RPN1: variants seen among roughly 807,000 people sequenced by gnomAD.
RPN1 encodes the protein ribophorin I, also known as dolichyl-diphosphooligosaccharide--protein glycosyltransferase subunit 1.
In RPN1, 12 loss-of-function variants were observed where a neutral mutation model predicts 55.5. The observed-to-expected ratio is 0.22, with a 90% CI of 0.14 to 0.35. The LOEUF is 0.35. Among genes scored for constraint, RPN1 ranks in the 10% least tolerant of loss-of-function variants. The probability of loss-of-function intolerance (pLI) is 1.00; values close to 1 mark genes in which losing one functional copy is unlikely to be tolerated. For synonymous variants in RPN1, 317 were observed against 305.9 expected, an observed-to-expected ratio of 1.04 and a Z score of -0.38; for missense variants, 679 against 761.3, an observed-to-expected ratio of 0.89 and a Z score of 1.27.
At chr3:128,643,807 A>C (rs1439635012) in intron 2 of RPN1, among the ~76,000 whole-genome samples, 1 of 151,758 alleles carries the variant, frequency 6.6e-6, no homozygotes, top group Admixed American at 6.6e-5. Flanking sequence ...AAAAAAAAAT[A>C]CAAAAATTAG....
Position 128,629,842 on chromosome 3 carries a change from C to T in RPN1, c.1036+109G>A, listed in dbSNP as rs531916706. 294 of 629,338 alleles carry T rather than the reference C, an allele frequency of 4.7e-4. No homozygotes were observed. In the African/African-American group the frequency reaches 4.8e-3, roughly 10 times the overall value. The allele number at this position is 629,338 out of a possible 1,614,324, so 39.0% of individuals were successfully genotyped here. A position where few individuals can be genotyped will look rare whatever the true frequency, so the allele number is the denominator to read the frequency against. The stretch of plus-strand genomic sequence containing the variant: ...GTTGTTCCTGATAAAACCAGCCTTC[C>T]TCAGAATGACAAATGAACACACCCC... On this transcript the variant is annotated intron_variant, in intron 5 of 9. Coordinates refer to ENST00000296255, the MANE Select transcript of RPN1 (RefSeq NM_002950.4).
At position 128,650,777 on chromosome 3, in the gene RPN1, C is replaced by G. The variant is rs1361136875; in HGVS notation, c.24G>C (p.Leu8Phe). 1.9e-6 allele frequency: 3 copies of G among 1,540,800 alleles called. No homozygotes were observed. The highest frequency in any genetic ancestry group is 2.6e-6 in the Non-Finnish European group (3 of 1,141,518). Residue 8 changes from leucine (L) to phenylalanine (F), a missense_variant, in exon 1 of 10, where the codon TTG (leucine) becomes TTC (phenylalanine). By Grantham distance (22) the Leu-to-Phe change is conservative. This residue lies in a region of RPN1 where 352 missense variants were observed against 352.8 expected (regional missense o/e 1.00). Coordinates refer to ENST00000296255, the MANE Select transcript of RPN1 (RefSeq NM_002950.4). MEAPAAG[L>F]FLLLLLGTWA... Reference sequence around the variant, plus strand: ...AAGTCCCAAGCAACAGGAGCAGAAACAAGCCGGCGGCTGGCGCCTCCATGA... The same window carrying G: ...AAGTCCCAAGCAACAGGAGCAGAAAGAAGCCGGCGGCTGGCGCCTCCATGA...
chr3:128,623,470 C>T (rs1336052926), intron 8 of RPN1, among the ~76,000 whole-genome samples: 2 of 151,724 alleles, frequency 1.3e-5, no homozygotes, highest in East Asian at 3.9e-4. Flanking sequence ...CCCAGGAGGT[C>T]GAGGCTGCAG....
At position 128,626,776 on chromosome 3, in the gene RPN1, T is replaced by C; in HGVS notation, c.1093A>G (p.Ile365Val). 1 of 1,614,150 alleles carries C rather than the reference T, an allele frequency of 6.2e-7. No homozygotes were observed. Among genetic ancestry groups the C allele is most frequent in the South Asian group, 1.1e-5 (1 of 91,088 alleles). Reference sequence around the variant, plus strand: ...ATGATCTTCACAGTCAGAGAATCTATCACTTGTTCATCAAACACATGGTCC... The same window carrying C: ...ATGATCTTCACAGTCAGAGAATCTACCACTTGTTCATCAAACACATGGTCC... ...FVDHVFDEQV[I>V]DSLTVKIILP... Residue 365 changes from isoleucine (I) to valine (V), a missense_variant, in exon 6 of 10, where the codon ATA becomes GTA. Ile to Val is a conservative substitution (Grantham distance 29). This residue lies in a region of RPN1 where 306 missense variants were observed against 360.0 expected (regional missense o/e 0.85). Coordinates refer to ENST00000296255, the MANE Select transcript of RPN1 (RefSeq NM_002950.4).
intron 2 of RPN1, 194 bp downstream of exon 2, chr3:128,644,724 CA>C: frequency 1.5e-6 from 1 of 652,100 alleles, no homozygotes; most frequent in Non-Finnish European, 2.8e-6. Context: ...TTTGAGAGGC[CA>C]AGGTAGAAGG....
intron 1 of RPN1, 49 bp downstream of exon 1, chr3:128,650,491 G>A: frequency 6.7e-7 from 1 of 1,486,478 alleles, no homozygotes; most frequent in South Asian, 1.3e-5. Flanking sequence ...GCCAGGAAGG[G>A]AGGCGGGAAG....
In RPN1 at chr3:128,645,557, A is replaced by T. The variant is rs1368898018; in HGVS notation, c.262-574T>A. Among the ~76,000 whole-genome samples, 9 of 152,098 alleles carry T rather than the reference A, an allele frequency of 5.9e-5. 1 individual carries two copies. In the South Asian group the frequency reaches 1.9e-3, roughly 32 times the overall value. On this transcript the variant is annotated intron_variant, in intron 1 of 9. Coordinates refer to ENST00000296255, the MANE Select transcript of RPN1 (RefSeq NM_002950.4). Reference sequence around the variant, plus strand: ...CACACAGCTGGGTGTGGTAGCTCACACCTGTAATCCCAACACTTTGGGAGG... The same window carrying T: ...CACACAGCTGGGTGTGGTAGCTCACTCCTGTAATCCCAACACTTTGGGAGG...
At chr3:128,633,209 G>C (rs1242124034) in intron 3 of RPN1, among the ~76,000 whole-genome samples, 1 of 151,668 alleles carries the variant, frequency 6.6e-6, no homozygotes, top group Non-Finnish European at 1.5e-5. Flanking sequence ...AATACAGCAA[G>C]AGGTTTTTCT....
intron 7 of RPN1, 30 bp downstream of exon 7, chr3:128,625,844 C>A: frequency 6.3e-7 from 1 of 1,595,118 alleles, no homozygotes; most frequent in Non-Finnish European, 8.5e-7. Context: ...GGGGAAGACG[C>A]CATGGAAGGC....
chr3:128,625,802 G>A lies in RPN1; in HGVS notation c.1275+72C>T, dbSNP rs1324114324. ...GACTCCAGCCCAAGGAGGGACAGAA[G>A]GTGAGTTCTTGGCCCCCAGAGCCCA... is the stretch of plus-strand genomic sequence containing the variant. On this transcript the variant is annotated intron_variant, in intron 7 of 9. Transcript: ENST00000296255. The A allele has an allele frequency of 1.9e-6, 3 of 1,556,908 alleles. No individual in the cohort carries two copies. The South Asian group carries it at 3.5e-5, about 18-fold the overall frequency.
At chr3:128,626,553 C>A (rs2069601335) in intron 6 of RPN1, among the ~76,000 whole-genome samples, 180 bp downstream of exon 6, 1 of 152,184 alleles carries the variant, frequency 6.6e-6, no homozygotes, top group Non-Finnish European at 1.5e-5. Flanking sequence ...AGGGGTCTCT[C>A]ATTCTGGCAG....
Position 128,632,007 on chromosome 3 carries a change from A to C in RPN1, c.784T>G (p.Ser262Ala). 6.2e-7 allele frequency: 1 copy of C among 1,614,216 alleles called. No homozygotes were observed. The highest frequency in any genetic ancestry group is 8.5e-7 in the Non-Finnish European group (1 of 1,180,046). ...GGCTGTCTCTGGTAATCATAGCGTG[A>C]GAAAGGCCCCTTAAGCACAGCTCCT... is the stretch of plus-strand genomic sequence containing the variant. ...HTGAVLKGPF[S>A]RYDYQRQPDS... Residue 262 changes from serine to alanine, a missense_variant, in exon 4 of 10, where the codon TCA becomes GCA. By Grantham distance (99) the Ser-to-Ala change is moderately conservative. Around this residue, in one of 3 missense-constraint regions of RPN1, gnomAD observed 352 missense variants for 352.8 expected, o/e 1.00. Transcript: ENST00000296255.
intron 5 of RPN1, among the ~76,000 whole-genome samples, chr3:128,628,896 C>T (rs1161393202): frequency 1.3e-5 from 2 of 152,130 alleles, no homozygotes; most frequent in South Asian, 2.1e-4. Flanking sequence ...GCAAGAGAAT[C>T]GCTTGAACCT....
At chr3:128,643,602 C>G (rs2069744931) in intron 2 of RPN1, among the ~76,000 whole-genome samples, 1 of 151,986 alleles carries the variant, frequency 6.6e-6, no homozygotes, top group South Asian at 2.1e-4. Context: ...TCAAGACCAG[C>G]CTGACCAATA....
chr3:128,629,846 G>T (rs1245400901), intron 5 of RPN1, 105 bp downstream of exon 5: 4 of 640,132 alleles, frequency 6.2e-6, no homozygotes, highest in Non-Finnish European at 1.1e-5. Context: ...GCCTTCCTCA[G>T]AATGACAAAT....
intron 9 of RPN1, among the ~76,000 whole-genome samples, chr3:128,621,473 G>C (rs562666243): frequency 9.2e-5 from 14 of 152,172 alleles, no homozygotes; most frequent in Non-Finnish European, 1.9e-4. Flanking sequence ...CAGCATGGGC[G>C]ACAGAGTGAA....
chr3:128,624,791 G>A (rs897693995), intron 8 of RPN1, among the ~76,000 whole-genome samples: 2 of 151,734 alleles, frequency 1.3e-5, no homozygotes, highest in African/African-American at 2.4e-5. Flanking sequence ...AATGGAGATC[G>A]CGCCACTGCA....
chr3:128,641,403 C>T (rs1407892927), intron 2 of RPN1, among the ~76,000 whole-genome samples: 3 of 152,110 alleles, frequency 2.0e-5, no homozygotes, highest in African/African-American at 7.2e-5. Context: ...ACCCACCCTA[C>T]ACAGCTTCAC....
chr3:128,622,065 A>T lies in RPN1; in HGVS notation c.1641+99T>A. The T allele has an allele frequency of 4.3e-6, 5 of 1,165,758 alleles. No homozygotes were observed. The South Asian group carries it at 6.7e-5, about 16-fold the overall frequency. 72.2% of individuals were successfully genotyped at this position (1,165,758 alleles called of 1,614,324 possible). On this transcript the variant is annotated intron_variant, in intron 9 of 9. Coordinates refer to ENST00000296255, the MANE Select transcript of RPN1 (RefSeq NM_002950.4). ...CCAGATGCAGTCTTATCCCACAAGC[A>T]TGCAGGTAAGCAAGAGAGCTGCCCA...
Sources: allele counts gnomAD v4.1 joint callset (sites outside exome capture counted in the v4.1 genomes callset), GRCh38; gene constraint gnomAD v4.1.1; regional missense constraint gnomAD v4.1.1; transcripts MANE v1.5; gene names NCBI Gene and HGNC (gene_info 2026-07-23, HGNC 2026-07-21).